The following TMEM181 variants were observed in gnomAD, a reference collection of about 807,000 sequenced individuals.
The protein encoded by TMEM181 is G protein-coupled receptor 178.
Under a neutral mutation model 71.9 loss-of-function variants are expected in TMEM181, and 39 were observed. The ratio of observed to expected loss-of-function variants is 0.54; its 90% CI spans 0.42 to 0.71. The LOEUF is 0.71. Ranked by LOEUF, TMEM181 falls within the 30% of genes least tolerant of loss-of-function variation. The probability of loss-of-function intolerance (pLI) is 0.00; values close to 1 mark genes in which losing one functional copy is unlikely to be tolerated. For missense variants in TMEM181, 595 were observed against 583.0 expected, an observed-to-expected ratio of 1.02 and a Z score of -0.21; for synonymous variants, 245 against 228.8, an observed-to-expected ratio of 1.07 and a Z score of -0.64.
At position 158,633,386 on chromosome 6, in the gene TMEM181, A is replaced by T. The variant is rs1449351155; in HGVS notation, c.*1498A>T. The T allele has an allele frequency of 6.6e-6, 1 of 152,070 alleles. No homozygotes were observed. Among genetic ancestry groups the T allele is most frequent in the Non-Finnish European group, 1.5e-5 (1 of 68,006 alleles). The allele number at this position is 152,070 out of a possible 1,614,324, so 9.4% of individuals were successfully genotyped here. A position where few individuals can be genotyped will look rare whatever the true frequency, so the allele number is the denominator to read the frequency against. On this transcript the variant is annotated 3_prime_UTR_variant, in exon 17 of 17. Coordinates refer to ENST00000684151, the MANE Select transcript of TMEM181 (RefSeq NM_001376852.1). The stretch of plus-strand genomic sequence containing the variant: ...GGACTCCATATAGAGTCTCATGTGG[A>T]CGTCTCCCGTGCTTTCCTCTTGACC...
chr6:158,576,064 C>CGAT (rs1218056188), intron 2 of TMEM181, among the ~76,000 whole-genome samples: 2 of 152,154 alleles, frequency 1.3e-5, no homozygotes, highest in African/African-American at 4.8e-5. Flanking sequence ...GAGTAGGAAT[C>CGAT]GATGTCTTCT....
At chr6:158,558,919 C>T (rs7743100), upstream of TMEM181, among the ~76,000 whole-genome samples, 21 of 151,980 alleles carry the variant, frequency 1.4e-4, no homozygotes, top group Non-Finnish European at 2.4e-4. Context: ...TGCAGGTACC[C>T]AGTTTCTGTT....
intron 3 of TMEM181, among the ~76,000 whole-genome samples, chr6:158,582,631 C>G (rs533603131): frequency 6.6e-6 from 1 of 151,894 alleles, no homozygotes; most frequent in Non-Finnish European, 1.5e-5. Flanking sequence ...CACCACTACA[C>G]TCCAGCCCTG....
At chr6:158,584,221 GAA>G (rs1317954724) in intron 4 of TMEM181, among the ~76,000 whole-genome samples, 177 bp downstream of exon 4, 2 of 152,348 alleles carry the variant, frequency 1.3e-5, no homozygotes, top group East Asian at 3.9e-4. Flanking sequence ...CAGTGGGAGA[GAA>G]AGTTGCGATA....
upstream of TMEM181, among the ~76,000 whole-genome samples, chr6:158,558,328 A>G (rs947801952): frequency 9.2e-5 from 14 of 152,218 alleles, 1 homozygote; most frequent in Admixed American, 5.2e-4. Flanking sequence ...CCAGGGTTTA[A>G]GATATTTTTT....
At chr6:158,596,687 A>G (rs1784405200) in intron 6 of TMEM181, among the ~76,000 whole-genome samples, 1 of 152,200 alleles carries the variant, frequency 6.6e-6, no homozygotes, top group South Asian at 2.1e-4. Flanking sequence ...AAGGGGTTTA[A>G]TTGGACATAG....
intron 7 of TMEM181, 61 bp from the exon 8 acceptor site, chr6:158,607,183 G>A: frequency 1.4e-6 from 2 of 1,393,558 alleles, no homozygotes; most frequent in Non-Finnish European, 1.0e-6. Context: ...CAAGGTGTGA[G>A]CAAAGGCTGC....
intron 13 of TMEM181, among the ~76,000 whole-genome samples, chr6:158,627,197 C>T (rs538280468): frequency 6.6e-6 from 1 of 151,980 alleles, no homozygotes; most frequent in East Asian, 1.9e-4. Flanking sequence ...CACCCTTACA[C>T]CTTCACTCAC....
intron 6 of TMEM181, among the ~76,000 whole-genome samples, chr6:158,597,574 C>T (rs1341012436): frequency 1.3e-5 from 2 of 152,154 alleles, no homozygotes; most frequent in African/African-American, 2.4e-5. Context: ...GATCACATCT[C>T]GGTGCAGTAT....
At chr6:158,560,808 C>T (rs1242184719) in intron 1 of TMEM181, among the ~76,000 whole-genome samples, 3 of 43,172 alleles carry the variant, frequency 6.9e-5, no homozygotes, top group East Asian at 1.7e-3. Context: ...GATCTGCTGA[C>T]TTTGGGCTTT....
intron 5 of TMEM181, among the ~76,000 whole-genome samples, chr6:158,585,668 A>G (rs1295473112): frequency 6.6e-6 from 1 of 152,206 alleles, no homozygotes; most frequent in Non-Finnish European, 1.5e-5. Context: ...ACGTGTACGC[A>G]CATATGCATG....
At chr6:158,554,876 A>C (rs1345651210) in intron 1 of TMEM181, among the ~76,000 whole-genome samples, 2 of 152,242 alleles carry the variant, frequency 1.3e-5, no homozygotes, top group Non-Finnish European at 2.9e-5. Flanking sequence ...ACCTGTTCAC[A>C]TGTCTGAACT....
chr6:158,624,344 ATGAT>A (rs879682504), intron 11 of TMEM181, among the ~76,000 whole-genome samples: 20,295 of 152,212 alleles, frequency 0.13, 1,491 homozygotes, highest in Middle Eastern at 0.2. Context: ...TTTGAGAAAA[ATGAT>A]CCCGATTCCT....
chr6:158,602,256 T>A (rs919930936), intron 6 of TMEM181, among the ~76,000 whole-genome samples: 2 of 152,246 alleles, frequency 1.3e-5, no homozygotes, highest in Non-Finnish European at 2.9e-5. Flanking sequence ...TATTCTAGTA[T>A]AAATGTAACA....
At chr6:158,581,038 A>G (rs1400371157) in intron 3 of TMEM181, 43 bp downstream of exon 3, 3 of 1,568,380 alleles carry the variant, frequency 1.9e-6, no homozygotes, top group African/African-American at 1.3e-5. Context: ...GGGGTGCATT[A>G]TAAACCTCAG....
intron 1 of TMEM181, among the ~76,000 whole-genome samples, chr6:158,552,984 T>G (rs969810989): frequency 6.6e-6 from 1 of 152,112 alleles, no homozygotes; most frequent in African/African-American, 2.4e-5. Flanking sequence ...GAGCCTAGTT[T>G]GAGACCAGCC....
Position 158,605,341 on chromosome 6 carries a change from C to G in TMEM181, c.567C>G (p.Ile189Met). 1 of 1,613,914 alleles carries G rather than the reference C, an allele frequency of 6.2e-7. No homozygotes were observed. The highest frequency in any genetic ancestry group is 1.7e-5 in the Admixed American group (1 of 60,008). ...FRFFFVVLTFIVTCLFAHSLR... is the reference protein window; with the variant it reads ...FRFFFVVLTFMVTCLFAHSLR... ...TTTTCTTTGTGGTGCTCACCTTCAT[C>G]GTCACTGTGAGTACCATTCGCCTGA... Residue 189 changes from isoleucine to methionine, a missense_variant, in exon 7 of 17, where the codon ATC (isoleucine) becomes ATG (methionine). Coordinates refer to ENST00000684151, the MANE Select transcript of TMEM181 (RefSeq NM_001376852.1).
At chr6:158,597,407 C>T (rs1784438374) in intron 6 of TMEM181, among the ~76,000 whole-genome samples, 1 of 152,200 alleles carries the variant, frequency 6.6e-6, no homozygotes, top group South Asian at 2.1e-4. Context: ...GGGCTGTTCT[C>T]TGCCTTCCAG....
chr6:158,540,015 T>A (rs1781281498), intron 1 of TMEM181, among the ~76,000 whole-genome samples: 1 of 152,198 alleles, frequency 6.6e-6, no homozygotes, highest in South Asian at 2.1e-4. Flanking sequence ...AATAAGGGAA[T>A]GAATTGGGTT....
Sources: gnomAD v4.1 joint callset for allele counts (sites outside exome capture counted in the v4.1 genomes callset) on GRCh38, gnomAD v4.1.1 for gene constraint, MANE v1.5 for transcripts, NCBI Gene and HGNC (gene_info 2026-07-23, HGNC 2026-07-21) for gene names.